Variants in ST6GAL2 observed in about 807,000 individuals in gnomAD.
The protein encoded by ST6GAL2 is beta-galactoside alpha-2,6-sialyltransferase 2.
In ST6GAL2, 24 loss-of-function variants were observed where a neutral mutation model predicts 37.5. That is an observed-to-expected ratio of 0.64 (90% CI 0.46 to 0.90). The LOEUF (loss-of-function observed/expected upper bound fraction) is 0.90. Ranked by LOEUF, ST6GAL2 falls within the 40% of genes least tolerant of loss-of-function variation. ST6GAL2 has a pLI of 0.00. For missense variants in ST6GAL2, 715 were observed against 712.7 expected, an observed-to-expected ratio of 1.00 and a Z score of -0.04; for synonymous variants, 306 against 295.1, an observed-to-expected ratio of 1.04 and a Z score of -0.38.
intron 5 of ST6GAL2, among the ~76,000 whole-genome samples, chr2:106,813,682 G>A (rs1175860170): frequency 6.6e-6 from 1 of 152,142 alleles, no homozygotes; most frequent in Non-Finnish European, 1.5e-5. Context: ...TTTTCTCCTT[G>A]ATGAAAATAG....
intron 1 of ST6GAL2, among the ~76,000 whole-genome samples, chr2:106,869,063 G>A (rs1678153398): frequency 6.6e-6 from 1 of 152,068 alleles, no homozygotes; most frequent in Admixed American, 6.6e-5. Context: ...GGATACAAAG[G>A]CAAATGAGAT....
chr2:106,879,441 T>G (rs1305602601), intron 1 of ST6GAL2, among the ~76,000 whole-genome samples: 1 of 152,086 alleles, frequency 6.6e-6, no homozygotes, highest in African/African-American at 2.4e-5. Context: ...ATAACCTACT[T>G]AAAGGCACCC....
intron 4 of ST6GAL2, among the ~76,000 whole-genome samples, chr2:106,831,398 A>G (rs1207818132): frequency 2.6e-5 from 4 of 152,238 alleles, no homozygotes; most frequent in Non-Finnish European, 5.9e-5. Context: ...AATAAGGTCC[A>G]ATAGCTAGAA....
Position 106,843,578 on chromosome 2 carries a change from CA to C in ST6GAL2, c.399del (p.Phe133LeufsTer41). On this transcript the variant is annotated frameshift_variant, in exon 2 of 6. Coordinates refer to ENST00000409382, the MANE Select transcript of ST6GAL2 (RefSeq NM_001142351.2). LOFTEE classifies it high-confidence loss of function. ...AFYPEDDDYF[F>X]AAGQPGWHSH... Reference sequence around the variant, plus strand: ...CTGTGCCACCCTGGCTGACCAGCAGCAAAAAAGTAGTCGTCATCCTCCGGGT... The same window carrying C: ...CTGTGCCACCCTGGCTGACCAGCAGCAAAAAGTAGTCGTCATCCTCCGGGT... 1 of 1,613,596 alleles carries C rather than the reference CA, an allele frequency of 6.2e-7. No individual in the cohort carries two copies. The highest frequency in any genetic ancestry group is 8.5e-7 in the Non-Finnish European group (1 of 1,179,890).
At chr2:106,882,136 C>T (rs1299077886) in intron 1 of ST6GAL2, among the ~76,000 whole-genome samples, 1 of 152,218 alleles carries the variant, frequency 6.6e-6, no homozygotes, top group Non-Finnish European at 1.5e-5. Context: ...CACATGCTTT[C>T]TGTATACATG....
At chr2:106,833,961 T>C in intron 3 of ST6GAL2, 88 bp downstream of exon 3, 1 of 924,088 alleles carries the variant, frequency 1.1e-6, no homozygotes. Context: ...GTAACTTCTC[T>C]TCACTCATCC....
Position 106,832,080 on chromosome 2 carries a change from T to C in ST6GAL2, c.1143+485A>G, listed in dbSNP as rs74662176. 1.7e-3 allele frequency among the ~76,000 whole-genome samples: 264 copies of C among 152,290 alleles called. 3 individuals carry two copies. The highest frequency in any genetic ancestry group is 6.1e-3 in the African/African-American group (254 of 41,576). On this transcript the variant is annotated intron_variant, in intron 4 of 5. Coordinates refer to ENST00000409382, the MANE Select transcript of ST6GAL2 (RefSeq NM_001142351.2). ...GCCCTATTGCATAAAATTCAACAGA[T>C]TTAGAAGCAGAGGCCAAAGAGGAAC...
rs142171495 is a variant in ST6GAL2 at position 106,835,882 on chromosome 2, G to A, written c.944-1736C>T. Among the ~76,000 whole-genome samples, 886 of 152,222 alleles carry A rather than the reference G, an allele frequency of 5.8e-3. 7 individuals carry two copies. Among genetic ancestry groups the A allele is most frequent in the African/African-American group, 0.02 (811 of 41,530 alleles). On this transcript the variant is annotated intron_variant, in intron 2 of 5. Transcript: ENST00000409382. The stretch of plus-strand genomic sequence containing the variant: ...TCTTTACTTCACAATTTAAGGATTT[G>A]TTCATACTTTATTGAGGTAATGGAT...
chr2:106,808,596 G>A (rs985194958), intron 5 of ST6GAL2, among the ~76,000 whole-genome samples: 7 of 152,038 alleles, frequency 4.6e-5, no homozygotes, highest in African/African-American at 7.2e-5. Context: ...TCAGGCATTC[G>A]GGTGGCACCA....
At chr2:106,855,614 A>T (rs2104563226) in intron 1 of ST6GAL2, among the ~76,000 whole-genome samples, 1 of 152,314 alleles carries the variant, frequency 6.6e-6, no homozygotes, top group Admixed American at 6.5e-5. Context: ...AATTGGAAGT[A>T]AATATGGCAA....
chr2:106,806,733 G>C lies in ST6GAL2; in HGVS notation c.1535C>G (p.Pro512Arg). The C allele has an allele frequency of 1.9e-6, 3 of 1,614,154 alleles. No individual in the cohort carries two copies. The highest frequency in any genetic ancestry group is 2.5e-6 in the Non-Finnish European group (3 of 1,180,030). ...AGGGCAGTGCACCGCCTGGAAGCCGGGAAGAACCACCTTGCCCTTGCGATG... is the reference window on the plus strand; with the variant it reads ...AGGGCAGTGCACCGCCTGGAAGCCGCGAAGAACCACCTTGCCCTTGCGATG... ...DLHRKGKVVL[P>R]GFQAVHCPAP... is the part of the protein sequence containing the mutation. Residue 512 changes from proline to arginine, a missense_variant, in exon 6 of 6, where the codon CCC (proline) becomes CGC (arginine). Transcript: ENST00000409382.
intron 1 of ST6GAL2, among the ~76,000 whole-genome samples, chr2:106,860,076 G>A (rs895439168): frequency 1.3e-5 from 2 of 152,040 alleles, no homozygotes; most frequent in Admixed American, 6.6e-5. Context: ...ACCCGGCTTG[G>A]CTTCCTCCTA....
chr2:106,816,983 G>A (rs993225174), intron 5 of ST6GAL2, among the ~76,000 whole-genome samples: 4 of 152,176 alleles, frequency 2.6e-5, no homozygotes, highest in African/African-American at 7.2e-5. Context: ...AAGCAACACC[G>A]GGCAGAACTC....
chr2:106,810,731 CT>C (rs1230410528), intron 5 of ST6GAL2, among the ~76,000 whole-genome samples: 1 of 152,188 alleles, frequency 6.6e-6, no homozygotes, highest in African/African-American at 2.4e-5. Flanking sequence ...AGGTGGATCA[CT>C]CAAACCCAGG....
intron 5 of ST6GAL2, chr2:106,813,188 C>T: frequency 4.4e-6 from 6 of 1,362,504 alleles, no homozygotes; most frequent in Non-Finnish European, 5.7e-6. Context: ...TCTCGGCTCA[C>T]TGCAAGCTCT....
chr2:106,845,025 G>T (rs1241901094), intron 1 of ST6GAL2, among the ~76,000 whole-genome samples: 2 of 152,198 alleles, frequency 1.3e-5, no homozygotes, highest in Non-Finnish European at 2.9e-5. Flanking sequence ...AGGTATGTTT[G>T]TGGAATAATA....
chr2:106,839,214 C>T (rs1035236873), intron 2 of ST6GAL2, among the ~76,000 whole-genome samples: 2 of 152,110 alleles, frequency 1.3e-5, no homozygotes, highest in East Asian at 1.9e-4. Context: ...TCTGTCCCTA[C>T]GAGCCCATGT....
At position 106,805,388 on chromosome 2, in the gene ST6GAL2, T is replaced by C. The variant is rs1323024729; in HGVS notation, c.*1290A>G. ...TAGCAAAAATTTTTCAATGTATCAG[T>C]GACAGTTGAGATTAAAGAAAAAATC... is the stretch of plus-strand genomic sequence containing the variant. On this transcript the variant is annotated 3_prime_UTR_variant, in exon 6 of 6. Transcript: ENST00000409382. 1 of 152,208 alleles carries C rather than the reference T, an allele frequency of 6.6e-6. No individual in the cohort carries two copies. The highest frequency in any genetic ancestry group is 1.5e-5 in the Non-Finnish European group (1 of 68,044). 9.4% of individuals were successfully genotyped at this position (152,208 alleles called of 1,614,324 possible).
intron 1 of ST6GAL2, among the ~76,000 whole-genome samples, chr2:106,850,718 G>A (rs1287634704): frequency 6.6e-6 from 1 of 152,182 alleles, no homozygotes; most frequent in Non-Finnish European, 1.5e-5. Context: ...TTACAGCCCT[G>A]GATCATCGTT....
Sources: gnomAD v4.1 joint callset for allele counts (sites outside exome capture counted in the v4.1 genomes callset) on GRCh38, gnomAD v4.1.1 for gene constraint, MANE v1.5 for transcripts, NCBI Gene and HGNC (gene_info 2026-07-23, HGNC 2026-07-21) for gene names.